PRR16: variants seen among roughly 807,000 people sequenced by gnomAD.
PRR16 encodes the protein proline rich 16.
A neutral mutation model predicts 18.2 loss-of-function variants in PRR16; 6 were observed. That is an observed-to-expected ratio of 0.33 (90% CI 0.18 to 0.65). The LOEUF (loss-of-function observed/expected upper bound fraction) is 0.65. Ranked by LOEUF, PRR16 falls within the 30% of genes least tolerant of loss-of-function variation. PRR16 has a pLI of 0.74. For missense variants in PRR16, 412 were observed against 376.6 expected, an observed-to-expected ratio of 1.09 and a Z score of -0.78; for synonymous variants, 151 against 147.8, an observed-to-expected ratio of 1.02 and a Z score of -0.16.
At chr5:120,705,905 G>A in the PRR16 span, among the ~76,000 whole-genome samples, 3 of 152,102 alleles carry the variant, frequency 2.0e-5, no homozygotes, top group African/African-American at 7.2e-5. Context: ...TATTCTAACA[G>A]CAAAGAGCTT....
chr5:120,632,013 T>A (rs899933036), intron 1 of PRR16, among the ~76,000 whole-genome samples: 1 of 152,150 alleles, frequency 6.6e-6, no homozygotes, highest in African/African-American at 2.4e-5. Context: ...CTGGAGCAGG[T>A]GCTGGTATCC....
downstream of PRR16, among the ~76,000 whole-genome samples, chr5:120,688,062 A>G (rs1757168316): frequency 6.6e-6 from 1 of 152,198 alleles, no homozygotes; most frequent in South Asian, 2.1e-4. Context: ...AAAGAATCCA[A>G]TGACTTTTAT....
chr5:120,744,363 G>C, the PRR16 span, among the ~76,000 whole-genome samples: 1 of 152,204 alleles, frequency 6.6e-6, no homozygotes, highest in African/African-American at 2.4e-5. Flanking sequence ...TCTGGCGCAG[G>C]CCATGTCTCA....
intron 1 of PRR16, among the ~76,000 whole-genome samples, chr5:120,619,322 T>C (rs1267710405): frequency 6.6e-6 from 1 of 152,174 alleles, no homozygotes; most frequent in African/African-American, 2.4e-5. Flanking sequence ...TGAATAAAAA[T>C]GATGAATTGA....
At chr5:120,702,798 G>T in the PRR16 span, among the ~76,000 whole-genome samples, 1 of 152,206 alleles carries the variant, frequency 6.6e-6, no homozygotes, top group Non-Finnish European at 1.5e-5. Context: ...AAGAGAGTAA[G>T]AAGAGGCCGC....
chr5:120,543,229 A>C (rs750651620), intron 1 of PRR16, among the ~76,000 whole-genome samples: 16 of 152,176 alleles, frequency 1.1e-4, no homozygotes, highest in Non-Finnish European at 2.1e-4. Flanking sequence ...TTTGTAAAAT[A>C]CGTCAAAAAC....
chr5:120,710,711 G>A, the PRR16 span: 1 of 152,140 alleles, frequency 6.6e-6, no homozygotes. Context: ...CACAGTGATT[G>A]TTAAAAATTG....
At chr5:120,626,343 C>T (rs530552833) in intron 1 of PRR16, among the ~76,000 whole-genome samples, 1 of 152,000 alleles carries the variant, frequency 6.6e-6, no homozygotes, top group Admixed American at 6.6e-5. Context: ...CCCACAGAAA[C>T]AGTATGTTAA....
At chr5:120,739,224 A>G in the PRR16 span, among the ~76,000 whole-genome samples, 1 of 152,196 alleles carries the variant, frequency 6.6e-6, no homozygotes, top group African/African-American at 2.4e-5. Context: ...TAGGATGCTT[A>G]TATAAAAGAT....
chr5:120,625,473 G>A (rs1185785761), intron 1 of PRR16, among the ~76,000 whole-genome samples: 2 of 152,204 alleles, frequency 1.3e-5, no homozygotes, highest in South Asian at 4.2e-4. Context: ...GAGTAGCTGG[G>A]ACTATCGATG....
the PRR16 span, among the ~76,000 whole-genome samples, chr5:120,737,350 T>A: frequency 8.5e-6 from 1 of 118,010 alleles, no homozygotes; most frequent in African/African-American, 3.0e-5. Flanking sequence ...TGAAAGGGTG[T>A]CAAATTTTGT....
intron 1 of PRR16, among the ~76,000 whole-genome samples, chr5:120,639,238 G>A (rs1453446916): frequency 1.3e-5 from 2 of 151,704 alleles, no homozygotes; most frequent in East Asian, 3.9e-4. Context: ...GTCTTTTTGT[G>A]ATTATAATTT....
At chr5:120,765,833 T>C in the PRR16 span, among the ~76,000 whole-genome samples, 1 of 152,054 alleles carries the variant, frequency 6.6e-6, no homozygotes, top group African/African-American at 2.4e-5. Context: ...TTTAGTTTTG[T>C]CTGTTTTATA....
chr5:120,695,605 C>T, the PRR16 span, among the ~76,000 whole-genome samples: 2 of 152,224 alleles, frequency 1.3e-5, no homozygotes, highest in Middle Eastern at 3.4e-3. Flanking sequence ...ACTTTCCTCT[C>T]GCCATTTCAT....
chr5:120,488,744 G>A (rs1749909659), intron 1 of PRR16, among the ~76,000 whole-genome samples: 1 of 151,992 alleles, frequency 6.6e-6, no homozygotes, highest in African/African-American at 2.4e-5. Flanking sequence ...TGATGTTAGG[G>A]TGTCATTTTT....
At chr5:120,517,869 T>C (rs1288336400) in intron 1 of PRR16, among the ~76,000 whole-genome samples, 1 of 152,234 alleles carries the variant, frequency 6.6e-6, no homozygotes, top group East Asian at 1.9e-4. Flanking sequence ...CTTTGTGATC[T>C]TTCTACTTTT....
chr5:120,628,673 A>G (rs1030450009), intron 1 of PRR16, among the ~76,000 whole-genome samples: 8 of 120,184 alleles, frequency 6.7e-5, no homozygotes, highest in African/African-American at 1.4e-4. Flanking sequence ...CTACCTATCT[A>G]TCTATCTATC....
intron 1 of PRR16, among the ~76,000 whole-genome samples, chr5:120,515,182 G>C (rs1750948704): frequency 6.6e-6 from 1 of 152,110 alleles, no homozygotes; most frequent in Non-Finnish European, 1.5e-5. Flanking sequence ...GAACACATAA[G>C]GGAGCAAGAG....
At chr5:120,473,010 A>G (rs1288745918) in intron 1 of PRR16, among the ~76,000 whole-genome samples, 15 of 152,172 alleles carry the variant, frequency 9.9e-5, no homozygotes, top group South Asian at 8.3e-4. Flanking sequence ...CTTATGTCAC[A>G]TTAACATGAA....
Sources: gnomAD v4.1 joint callset for allele counts (sites outside exome capture counted in the v4.1 genomes callset) on GRCh38, gnomAD v4.1.1 for gene constraint, MANE v1.5 for transcripts, NCBI Gene and HGNC (gene_info 2026-07-23, HGNC 2026-07-21) for gene names.